INPP4A: variants seen among roughly 807,000 people sequenced by gnomAD.
INPP4A encodes the protein inositol polyphosphate-4-phosphatase, type I, 107kD.
Under a neutral mutation model 119.8 loss-of-function variants are expected in INPP4A, and 33 were observed. The ratio of observed to expected loss-of-function variants is 0.28; its 90% CI spans 0.21 to 0.37. The LOEUF (loss-of-function observed/expected upper bound fraction) is 0.37. Among genes scored for constraint, INPP4A ranks in the 10% least tolerant of loss-of-function variants. The pLI, the probability that INPP4A is intolerant of heterozygous loss-of-function variation, is 1.00. For synonymous variants in INPP4A, 496 were observed against 500.7 expected, an observed-to-expected ratio of 0.99 and a Z score of 0.12; for missense variants, 956 against 1,289.9, an observed-to-expected ratio of 0.74 and a Z score of 3.97.
chr2:98,467,939 A>G (rs532901438), intron 1 of INPP4A, among the ~76,000 whole-genome samples: 1 of 152,380 alleles, frequency 6.6e-6, no homozygotes, highest in East Asian at 1.9e-4. Context: ...ACATGAAATG[A>G]AATGTTCTCT....
chr2:98,578,047 C>T (rs1462506708), intron 24 of INPP4A, among the ~76,000 whole-genome samples: 1 of 152,216 alleles, frequency 6.6e-6, no homozygotes, highest in Non-Finnish European at 1.5e-5. Context: ...GCTCCTGCCT[C>T]TTGATAAGTG....
chr2:98,533,600 A>G, intron 5 of INPP4A, 105 bp downstream of exon 5: 1 of 717,804 alleles, frequency 1.4e-6, no homozygotes, highest in Middle Eastern at 3.8e-4. Context: ...AGCTGTATTT[A>G]CGTGAGTTGT....
intron 1 of INPP4A, among the ~76,000 whole-genome samples, chr2:98,453,925 A>C (rs1006609875): frequency 6.6e-6 from 1 of 152,162 alleles, no homozygotes; most frequent in Non-Finnish European, 1.5e-5. Context: ...TGGCCAACGT[A>C]GTGAAAACCC....
In INPP4A at chr2:98,499,969, C is replaced by T. The variant is rs551658860; in HGVS notation, c.-165-18995C>T. ...GGTGTACTTGTGTCCGTGGGTCTGGCGGAGCCATATAAGATGTCAGTGGCA... is the reference window on the plus strand; with the variant it reads ...GGTGTACTTGTGTCCGTGGGTCTGGTGGAGCCATATAAGATGTCAGTGGCA... On this transcript the variant is annotated intron_variant, in intron 1 of 24. Coordinates refer to ENST00000409851, the MANE Select transcript of INPP4A (RefSeq NM_001134225.2). 7.2e-5 allele frequency among the ~76,000 whole-genome samples: 11 copies of T among 152,210 alleles called. 1 individual carries two copies. The highest frequency in any genetic ancestry group is 4.1e-4 in the South Asian group (2 of 4,820).
chr2:98,589,936 A>G lies in INPP4A; in HGVS notation c.*2328A>G, dbSNP rs1262727281. On this transcript the variant is annotated 3_prime_UTR_variant, in exon 25 of 25. Coordinates refer to ENST00000409851, the MANE Select transcript of INPP4A (RefSeq NM_001134225.2). ...CAGTTGCCTTTAGTTTCCTTTAAAG[A>G]TGTAAAAATATTGTATAATACAGTT... The G allele has an allele frequency of 4.6e-5, 9 of 195,934 alleles. No individual in the cohort carries two copies. In the East Asian group the frequency reaches 5.6e-4, roughly 12 times the overall value. 12.1% of individuals were successfully genotyped at this position (195,934 alleles called of 1,614,324 possible). A position where few individuals can be genotyped will look rare whatever the true frequency, so the allele number is the denominator to read the frequency against.
intron 1 of INPP4A, among the ~76,000 whole-genome samples, chr2:98,508,956 C>T (rs959917360): frequency 1.3e-5 from 2 of 152,126 alleles, no homozygotes; most frequent in African/African-American, 4.8e-5. Flanking sequence ...GGTTGATTCA[C>T]CTCAAGAAAA....
At chr2:98,551,213 A>G (rs1693458199) in intron 13 of INPP4A, among the ~76,000 whole-genome samples, 1 of 152,190 alleles carries the variant, frequency 6.6e-6, no homozygotes, top group African/African-American at 2.4e-5. Flanking sequence ...ACCTTGGCCT[A>G]CCAAAGTGCT....
intron 19 of INPP4A, 131 bp downstream of exon 19, chr2:98,564,894 C>A: frequency 1.7e-6 from 2 of 1,145,628 alleles, no homozygotes; most frequent in Non-Finnish European, 2.4e-6. Context: ...TAACAGCAGA[C>A]CAGATGGCAG....
Position 98,533,007 on chromosome 2 carries a change from T to G in INPP4A, c.152-370T>G, listed in dbSNP as rs116996581. On this transcript the variant is annotated intron_variant, in intron 4 of 24. Coordinates refer to ENST00000409851, the MANE Select transcript of INPP4A (RefSeq NM_001134225.2). The stretch of plus-strand genomic sequence containing the variant: ...CAAGCATGGGTAGCTCTGTCTTAGA[T>G]TTCGTAGACTCTGTGGCTCCTTCAC... Among the ~76,000 whole-genome samples the G allele has an allele frequency of 1.2e-3, 176 of 152,314 alleles. 7 individuals are homozygous for G. In the East Asian group the frequency reaches 0.031, roughly 27 times the overall value.
At position 98,466,967 on chromosome 2, in the gene INPP4A, T is replaced by G. The variant is rs533812154; in HGVS notation, c.-166+21882T>G. 5.0e-4 allele frequency among the ~76,000 whole-genome samples: 76 copies of G among 152,310 alleles called. No homozygotes were observed. In the Middle Eastern group the frequency reaches 0.01, roughly 20 times the overall value. On this transcript the variant is annotated intron_variant, in intron 1 of 24. Coordinates refer to ENST00000409851, the MANE Select transcript of INPP4A (RefSeq NM_001134225.2). ...TAAAAGAATACCTGAGGCTGGGTAG[T>G]TTTTAAAGAAAAGAGGTTTACTTGG...
intron 5 of INPP4A, among the ~76,000 whole-genome samples, 167 bp from the exon 6 acceptor site, chr2:98,535,562 T>TTTTG (rs1244240479): frequency 6.6e-6 from 1 of 152,216 alleles, no homozygotes; most frequent in Admixed American, 6.5e-5. Context: ...AGCAGAGTTT[T>TTTTG]TTTGTTTGTT....
intron 16 of INPP4A, 24 bp from the exon 17 acceptor site, chr2:98,559,439 A>G (rs761739547): frequency 1.2e-6 from 2 of 1,613,854 alleles, no homozygotes; most frequent in East Asian, 2.2e-5. Flanking sequence ...TTAATCATCC[A>G]TGTCGCCCTC....
At chr2:98,459,093 C>T (rs754736368) in intron 1 of INPP4A, among the ~76,000 whole-genome samples, 45 of 152,256 alleles carry the variant, frequency 3.0e-4, no homozygotes, top group Non-Finnish European at 1.0e-4. Flanking sequence ...GCATAGTGCT[C>T]AGGCAGAGCT....
intron 14 of INPP4A, 39 bp downstream of exon 14, chr2:98,553,008 T>C (rs752784449): frequency 1.9e-6 from 3 of 1,538,500 alleles, no homozygotes; most frequent in Non-Finnish European, 2.6e-6. Context: ...CTGGGGAGTT[T>C]CCTTGGGTTT....
intron 7 of INPP4A, among the ~76,000 whole-genome samples, chr2:98,537,107 A>G (rs1690435971): frequency 1.3e-5 from 2 of 152,260 alleles, no homozygotes; most frequent in Non-Finnish European, 2.9e-5. Flanking sequence ...GCGGCTGATG[A>G]TTGAACAGAT....
rs1033093649 is a variant in INPP4A at position 98,570,358 on chromosome 2, G to A, written c.2518+1690G>A. ...AGGAAGAAGGGACTCAACAGAAGGC[G>A]AGAGAGAGCATCACAGGCTAGCAGG... On this transcript the variant is annotated intron_variant, in intron 22 of 24. Coordinates refer to ENST00000409851, the MANE Select transcript of INPP4A (RefSeq NM_001134225.2). The surrounding 1 kb of genome is among the most constrained non-coding windows in gnomAD (Gnocchi z 4.3). Among the ~76,000 whole-genome samples, 6 of 152,172 alleles carry A rather than the reference G, an allele frequency of 3.9e-5. No individual in the cohort carries two copies. The highest frequency in any genetic ancestry group is 6.5e-5 in the Admixed American group (1 of 15,286).
intron 13 of INPP4A, among the ~76,000 whole-genome samples, chr2:98,551,214 C>G (rs1218955314): frequency 6.6e-6 from 1 of 152,200 alleles, no homozygotes; most frequent in Non-Finnish European, 1.5e-5. Context: ...CCTTGGCCTA[C>G]CAAAGTGCTA....
intron 1 of INPP4A, among the ~76,000 whole-genome samples, chr2:98,451,741 G>T (rs3769741): frequency 0.28 from 42,040 of 151,976 alleles, 5,877 homozygotes; most frequent in Middle Eastern, 0.35. Flanking sequence ...CATCTCTAAA[G>T]GGTGTATTCT....
In INPP4A at chr2:98,565,636, C is replaced by G; in HGVS notation, c.2153-4C>G. ...TGACAGCCCTGCCCCTCTCTCATGT[C>G]CAGGGGAGGAGCTGGCAATGCTGGA... is the stretch of plus-strand genomic sequence containing the variant. On this transcript the variant is annotated splice_polypyrimidine_tract_variant and splice_region_variant and intron_variant, in intron 19 of 24. Transcript: ENST00000409851. 3 of 1,605,406 alleles carry G rather than the reference C, an allele frequency of 1.9e-6. No individual in the cohort carries two copies. The highest frequency in any genetic ancestry group is 2.6e-6 in the Non-Finnish European group (3 of 1,173,488).
Sources: allele counts gnomAD v4.1 joint callset (sites outside exome capture counted in the v4.1 genomes callset), GRCh38; gene constraint gnomAD v4.1.1; non-coding constraint Gnocchi (gnomAD v3.1); transcripts MANE v1.5; gene names NCBI Gene and HGNC (gene_info 2026-07-23, HGNC 2026-07-21).